SDK1: variants seen among roughly 807,000 people sequenced by gnomAD.
The protein encoded by SDK1 is sidekick cell adhesion molecule 1, also known as protein sidekick-1.
Under a neutral mutation model 245.5 loss-of-function variants are expected in SDK1, and 157 were observed. The observed-to-expected ratio is 0.64, with a 90% CI of 0.56 to 0.73. The LOEUF (loss-of-function observed/expected upper bound fraction) is 0.73. Among genes scored for constraint, SDK1 ranks in the 30% least tolerant of loss-of-function variants. The pLI, the probability that SDK1 is intolerant of heterozygous loss-of-function variation, is 0.00. For missense variants in SDK1, 3,583 were observed against 3,002.3 expected (o/e 1.19, Z -4.52); for synonymous variants, 1,647 against 1,278.5 (o/e 1.29, Z -6.15).
intron 4 of SDK1, among the ~76,000 whole-genome samples, chr7:3,671,763 A>C (rs1007780796): frequency 6.6e-6 from 1 of 152,204 alleles, no homozygotes; most frequent in African/African-American, 2.4e-5. Context: ...TGAGTTTTAT[A>C]ATGAGATTAA....
chr7:4,016,749 G>C (rs1475871770), intron 16 of SDK1, among the ~76,000 whole-genome samples: 1 of 152,050 alleles, frequency 6.6e-6, no homozygotes, highest in Non-Finnish European at 1.5e-5. Flanking sequence ...TCTGTCCCTG[G>C]ACACCACAAG....
intron 1 of SDK1, among the ~76,000 whole-genome samples, chr7:3,340,271 A>G (rs1780311322): frequency 6.6e-6 from 1 of 152,118 alleles, no homozygotes; most frequent in African/African-American, 2.4e-5. Context: ...AGTCACAGAA[A>G]GTGGTTTCCC....
At chr7:3,563,488 T>C (rs1295293247) in intron 1 of SDK1, among the ~76,000 whole-genome samples, 1 of 152,114 alleles carries the variant, frequency 6.6e-6, no homozygotes, top group Non-Finnish European at 1.5e-5. Context: ...TGCTATATAT[T>C]GATAAAGGGA....
At chr7:4,246,196 C>CA (rs1422074645) in intron 44 of SDK1, among the ~76,000 whole-genome samples, 1 of 152,206 alleles carries the variant, frequency 6.6e-6, no homozygotes, top group African/African-American at 2.4e-5. Context: ...GAGAGATAGG[C>CA]AAGGCTGGTG....
chr7:3,771,070 A>G lies in SDK1; in HGVS notation c.714-50380A>G, dbSNP rs115661715. ...CTAATTGATGCTCAGCTGAAAGTCA[A>G]ATAGGTGGCTCTGCTGATCTGGACT... On this transcript the variant is annotated intron_variant, in intron 4 of 44. Transcript: ENST00000404826. 4.5e-3 allele frequency among the ~76,000 whole-genome samples: 678 copies of G among 152,064 alleles called. 8 individuals are homozygous for G. Among genetic ancestry groups the G allele is most frequent in the African/African-American group, 0.016 (658 of 41,486 alleles).
At chr7:3,332,115 T>G (rs1780083562) in intron 1 of SDK1, among the ~76,000 whole-genome samples, 1 of 152,240 alleles carries the variant, frequency 6.6e-6, no homozygotes, top group Non-Finnish European at 1.5e-5. Flanking sequence ...TAAAAGTTAA[T>G]ATGTCTAAAG....
intron 1 of SDK1, among the ~76,000 whole-genome samples, chr7:3,329,979 A>C (rs1294846486): frequency 6.6e-6 from 1 of 152,214 alleles, no homozygotes; most frequent in African/African-American, 2.4e-5. Flanking sequence ...TTTGGTATGC[A>C]TAGGAGGTCC....
rs150054165 is a variant in SDK1 at position 3,994,861 on chromosome 7, T to A, written c.2131+7539T>A. Among the ~76,000 whole-genome samples, 684 of 152,210 alleles carry A rather than the reference T, an allele frequency of 4.5e-3. 5 individuals carry two copies. Among genetic ancestry groups the A allele is most frequent in the African/African-American group, 0.016 (648 of 41,542 alleles). ...TGGGATCCTCAAATCCATCCTCCCT[T>A]GAGCCACCAGAGCGAGCTCAGTAGT... On this transcript the variant is annotated intron_variant, in intron 14 of 44. Transcript: ENST00000404826.
chr7:3,568,863 A>C (rs1780010767), intron 1 of SDK1, among the ~76,000 whole-genome samples: 1 of 152,218 alleles, frequency 6.6e-6, no homozygotes, highest in African/African-American at 2.4e-5. Context: ...GCATATATTT[A>C]TTCTACATTG....
In SDK1 at chr7:4,268,480, C is replaced by T; in HGVS notation, c.*3096C>T. The T allele has an allele frequency of 8.5e-7, 1 of 1,174,702 alleles. No homozygotes were observed. Among genetic ancestry groups the T allele is most frequent in the Non-Finnish European group, 1.1e-6 (1 of 932,006 alleles). The allele number at this position is 1,174,702 out of a possible 1,614,324, so 72.8% of individuals were successfully genotyped here. A position where few individuals can be genotyped will look rare whatever the true frequency, so the allele number is the denominator to read the frequency against. On this transcript the variant is annotated 3_prime_UTR_variant, in exon 45 of 45. Transcript: ENST00000404826. Reference sequence around the variant, plus strand: ...AGGCGCACTTCACTCAATGCTGTAGCCAAAAAACGAGGGGCCCCAGGGAGA... The same window carrying T: ...AGGCGCACTTCACTCAATGCTGTAGTCAAAAAACGAGGGGCCCCAGGGAGA...
intron 17 of SDK1, among the ~76,000 whole-genome samples, chr7:4,017,739 TCA>T (rs1051819775): frequency 2.6e-5 from 4 of 152,342 alleles, no homozygotes; most frequent in Admixed American, 1.3e-4. Context: ...CGATGATTAT[TCA>T]CAGTTTTATT....
At chr7:4,014,206 A>G (rs941860209) in intron 16 of SDK1, among the ~76,000 whole-genome samples, 1 of 152,248 alleles carries the variant, frequency 6.6e-6, no homozygotes, top group African/African-American at 2.4e-5. Context: ...CCACAGAACC[A>G]GGCCCGGGGC....
chr7:3,485,088 CA>C (rs1429791582), intron 1 of SDK1, among the ~76,000 whole-genome samples: 1 of 152,088 alleles, frequency 6.6e-6, no homozygotes, highest in Non-Finnish European at 1.5e-5. Flanking sequence ...TACTGTTTTC[CA>C]TAATAGTTCT....
chr7:3,854,224 T>A (rs1029924556), intron 5 of SDK1, among the ~76,000 whole-genome samples: 8 of 152,184 alleles, frequency 5.3e-5, no homozygotes, highest in Non-Finnish European at 1.2e-4. Context: ...GGTTTTGAAA[T>A]CATCTGACTT....
intron 5 of SDK1, among the ~76,000 whole-genome samples, chr7:3,841,087 T>G (rs1328142819): frequency 6.6e-6 from 1 of 152,200 alleles, no homozygotes; most frequent in African/African-American, 2.4e-5. Flanking sequence ...GATGCCCGTT[T>G]TGCAGTGGGT....
intron 4 of SDK1, among the ~76,000 whole-genome samples, chr7:3,690,303 GATATTGAT>G: frequency 6.6e-6 from 1 of 152,232 alleles, no homozygotes; most frequent in East Asian, 1.9e-4. Context: ...AGCATCATAT[GATATTGAT>G]TTTTTTTTAC....
intron 5 of SDK1, among the ~76,000 whole-genome samples, chr7:3,903,915 T>A (rs915300740): frequency 6.6e-6 from 1 of 152,044 alleles, no homozygotes; most frequent in African/African-American, 2.4e-5. Flanking sequence ...CCTCCTAGAC[T>A]CTGTCTTGCT....
At chr7:3,794,741 G>A (rs1211399564) in intron 4 of SDK1, among the ~76,000 whole-genome samples, 1 of 152,074 alleles carries the variant, frequency 6.6e-6, no homozygotes, top group Non-Finnish European at 1.5e-5. Flanking sequence ...TTCACTTTCT[G>A]TATAGATCAC....
chr7:3,697,107 G>A (rs1397932577), intron 4 of SDK1, among the ~76,000 whole-genome samples: 2 of 152,154 alleles, frequency 1.3e-5, no homozygotes, highest in African/African-American at 4.8e-5. Context: ...CTCGCCATTT[G>A]ACTAATTCTT....
Sources: gnomAD v4.1 joint callset for allele counts (sites outside exome capture counted in the v4.1 genomes callset) on GRCh38, gnomAD v4.1.1 for gene constraint, MANE v1.5 for transcripts, NCBI Gene and HGNC (gene_info 2026-07-23, HGNC 2026-07-21) for gene names.